SP100: variants seen among roughly 807,000 people sequenced by gnomAD.
SP100 encodes the protein nuclear autoantigen Sp-100.
SP100 carries 84 observed loss-of-function variants against 130.0 expected under a neutral mutation model. That is an observed-to-expected ratio of 0.65 (90% CI 0.54 to 0.77). The LOEUF is 0.77. Among genes scored for constraint, SP100 ranks in the 30% least tolerant of loss-of-function variants. The pLI, the probability that SP100 is intolerant of heterozygous loss-of-function variation, is 0.00. For missense variants in SP100, 978 were observed against 1,052.2 expected (o/e 0.93, Z 0.97); for synonymous variants, 331 against 351.7 (o/e 0.94, Z 0.66).
intron 24 of SP100, among the ~76,000 whole-genome samples, chr2:230,527,052 T>C (rs1226870776): frequency 6.6e-6 from 1 of 151,958 alleles, no homozygotes; most frequent in African/African-American, 2.4e-5. Flanking sequence ...AGACCAACAT[T>C]CAAATCCAGG....
chr2:230,472,155 G>T (rs576629009), intron 15 of SP100, among the ~76,000 whole-genome samples: 1 of 152,070 alleles, frequency 6.6e-6, no homozygotes, highest in African/African-American at 2.4e-5. Flanking sequence ...AGGGCCAGGC[G>T]CAGTGACTCA....
At chr2:230,425,615 T>C (rs1488203401) in intron 2 of SP100, among the ~76,000 whole-genome samples, 1 of 152,216 alleles carries the variant, frequency 6.6e-6, no homozygotes, top group African/African-American at 2.4e-5. Flanking sequence ...CACTTGATCA[T>C]AGTAAGTGAT....
At chr2:230,434,383 C>G (rs2063185358) in intron 2 of SP100, among the ~76,000 whole-genome samples, 1 of 152,008 alleles carries the variant, frequency 6.6e-6, no homozygotes, top group Non-Finnish European at 1.5e-5. Flanking sequence ...AATGCTTCAA[C>G]AAAAATTTTG....
In SP100 at chr2:230,494,473, G is replaced by A; in HGVS notation, c.1645+13G>A. On this transcript the variant is annotated intron_variant, in intron 18 of 28. Coordinates refer to ENST00000340126, the MANE Select transcript of SP100 (RefSeq NM_001080391.2). Reference sequence around the variant, plus strand: ...GGTCTCCAAAGAGGTAAGAAGAAATGTGGGGATTTACTCCTTTGAACTCGC... The same window carrying A: ...GGTCTCCAAAGAGGTAAGAAGAAATATGGGGATTTACTCCTTTGAACTCGC... 6.3e-7 allele frequency: 1 copy of A among 1,598,716 alleles called. No individual in the cohort carries two copies. Among genetic ancestry groups the A allele is most frequent in the Non-Finnish European group, 8.6e-7 (1 of 1,166,082 alleles).
chr2:230,545,505 C>A lies in SP100; in HGVS notation c.*2559C>A, dbSNP rs944984070. On this transcript the variant is annotated 3_prime_UTR_variant, in exon 29 of 29. Transcript: ENST00000340126. ...AGTACTCTGTACAACAAACCCGTGA[C>A]AAGAGTTTCCCTATATAACAAACCT... 2.0e-5 allele frequency among the ~76,000 whole-genome samples: 3 copies of A among 152,056 alleles called. No individual in the cohort carries two copies. Among genetic ancestry groups the A allele is most frequent in the African/African-American group, 4.8e-5 (2 of 41,410 alleles).
chr2:230,448,406 C>A (rs1400867817), intron 5 of SP100, among the ~76,000 whole-genome samples: 1 of 152,028 alleles, frequency 6.6e-6, no homozygotes, highest in East Asian at 1.9e-4. Context: ...TACTTATATG[C>A]CTATTTTGCA....
intron 2 of SP100, among the ~76,000 whole-genome samples, chr2:230,435,971 G>A (rs935772133): frequency 3.3e-5 from 4 of 119,970 alleles, no homozygotes; most frequent in Admixed American, 7.8e-5. Flanking sequence ...GGATGAAGCT[G>A]GAGGCCATTA....
At chr2:230,474,591 G>C in intron 17 of SP100, 144 bp downstream of exon 17, 1 of 580,346 alleles carries the variant, frequency 1.7e-6, no homozygotes, top group Non-Finnish European at 3.1e-6. Context: ...TGGGTAAATT[G>C]TGTGATGCTG....
At chr2:230,466,211 A>C in intron 11 of SP100, 90 bp from the exon 12 acceptor site, 1 of 490,894 alleles carries the variant, frequency 2.0e-6, no homozygotes, top group Non-Finnish European at 3.6e-6. Flanking sequence ...AAACTTTGTT[A>C]TTAACCCAAG....
intron 2 of SP100, among the ~76,000 whole-genome samples, chr2:230,422,380 A>T (rs979898720): frequency 1.3e-5 from 2 of 152,186 alleles, no homozygotes; most frequent in Non-Finnish European, 2.9e-5. Flanking sequence ...ATGAGACACT[A>T]AAAATCTGAT....
intron 15 of SP100, among the ~76,000 whole-genome samples, chr2:230,470,968 ATG>A (rs1292352538): frequency 2.0e-5 from 3 of 151,872 alleles, no homozygotes; most frequent in Non-Finnish European, 2.9e-5. Flanking sequence ...ACACACACAT[ATG>A]TGTGTGTATA....
chr2:230,445,965 C>T (rs963616812), intron 4 of SP100, among the ~76,000 whole-genome samples: 6 of 152,252 alleles, frequency 3.9e-5, no homozygotes, highest in South Asian at 4.1e-4. Flanking sequence ...TGCTGACTCT[C>T]GGACCCTGAA....
intron 11 of SP100, among the ~76,000 whole-genome samples, chr2:230,465,682 A>G (rs546171662): frequency 6.6e-6 from 1 of 152,158 alleles, no homozygotes; most frequent in Non-Finnish European, 1.5e-5. Context: ...CTGTACAACA[A>G]ACTCCTGTGA....
chr2:230,440,220 G>A (rs2063427317), intron 2 of SP100, among the ~76,000 whole-genome samples: 1 of 152,076 alleles, frequency 6.6e-6, no homozygotes, highest in Middle Eastern at 3.4e-3. Flanking sequence ...CAGTAAGTCA[G>A]TCTATTTGTT....
chr2:230,501,980 T>A (rs1006167688), intron 19 of SP100, among the ~76,000 whole-genome samples: 2 of 151,514 alleles, frequency 1.3e-5, no homozygotes, highest in African/African-American at 4.8e-5. Flanking sequence ...GCAATTCTCC[T>A]GCCTCAGCCT....
At chr2:230,515,464 G>T (rs779049661) in intron 24 of SP100, 30 of 1,613,658 alleles carry the variant, frequency 1.9e-5, no homozygotes, top group Non-Finnish European at 2.3e-5. Context: ...TGAAAAGAAG[G>T]CTGCAAAGCT....
At chr2:230,466,978 G>T in intron 12 of SP100, 142 bp from the exon 13 acceptor site, 1 of 572,954 alleles carries the variant, frequency 1.7e-6, no homozygotes, top group Non-Finnish European at 3.1e-6. Context: ...GCAGATCATG[G>T]AGGTTTGAGG....
chr2:230,462,374 T>C, intron 9 of SP100, 61 bp from the exon 10 acceptor site: 1 of 1,311,576 alleles, frequency 7.6e-7, no homozygotes, highest in South Asian at 1.2e-5. Context: ...TGGAATTTCC[T>C]GGTGCATGGA....
intron 17 of SP100, among the ~76,000 whole-genome samples, chr2:230,479,582 C>A (rs1205359768): frequency 6.6e-6 from 1 of 152,174 alleles, no homozygotes; most frequent in Non-Finnish European, 1.5e-5. Context: ...CTTCAGGGTA[C>A]CTGTTTTGGG....
Sources: allele counts gnomAD v4.1 joint callset (sites outside exome capture counted in the v4.1 genomes callset), GRCh38; gene constraint gnomAD v4.1.1; transcripts MANE v1.5; gene names NCBI Gene and HGNC (gene_info 2026-07-23, HGNC 2026-07-21).